CUX2: variants seen among roughly 807,000 people sequenced by gnomAD.
CUX2 encodes the protein cut like homeobox 2.
CUX2 carries 40 observed loss-of-function variants against 144.8 expected under a neutral mutation model. That is an observed-to-expected ratio of 0.28 (90% CI 0.21 to 0.36). The LOEUF is 0.36. CUX2 is among the 10% of genes least tolerant of loss of function. The pLI, the probability that CUX2 is intolerant of heterozygous loss-of-function variation, is 1.00. For synonymous variants in CUX2, 827 were observed against 875.6 expected (o/e 0.94, Z 0.98); for missense variants, 1,615 against 1,994.0 (o/e 0.81, Z 3.62).
chr12:111,309,991 A>T, intron 14 of CUX2, 50 bp from the exon 15 acceptor site: 2 of 1,263,668 alleles, frequency 1.6e-6, no homozygotes, highest in South Asian at 3.5e-5. Flanking sequence ...CTCTCCCCTC[A>T]TCATCGTCTT....
At chr12:111,170,438 AAAG>A (rs1487867604) in intron 1 of CUX2, among the ~76,000 whole-genome samples, 13 of 24,716 alleles carry the variant, frequency 5.3e-4, no homozygotes, top group Non-Finnish European at 1.3e-3. Flanking sequence ...TCAAAGAAAG[AAAG>A]AAAAAAAAAA....
At chr12:111,316,206 A>G (rs1887183560) in intron 16 of CUX2, among the ~76,000 whole-genome samples, 2 of 150,844 alleles carry the variant, frequency 1.3e-5, no homozygotes, top group Admixed American at 1.3e-4. Flanking sequence ...CAGTGGCGCA[A>G]TCTCGGCTCA....
chr12:111,062,492 G>A (rs1870825994), intron 1 of CUX2, among the ~76,000 whole-genome samples: 1 of 152,272 alleles, frequency 6.6e-6, no homozygotes, highest in Non-Finnish European at 1.5e-5. Flanking sequence ...GACGGCTCGA[G>A]CGAGGGGAGT....
chr12:111,081,522 T>C (rs576707959), intron 1 of CUX2, among the ~76,000 whole-genome samples: 1 of 152,268 alleles, frequency 6.6e-6, no homozygotes, highest in South Asian at 2.1e-4. Context: ...CCCAGGACTC[T>C]TAATTGCAAA....
chr12:111,308,610 T>A (rs1886719902), intron 14 of CUX2, 84 bp downstream of exon 14: 1 of 1,132,678 alleles, frequency 8.8e-7, no homozygotes, highest in African/African-American at 1.5e-5. Context: ...CAAGGACCAC[T>A]GCCTTCCATG....
intron 18 of CUX2, among the ~76,000 whole-genome samples, chr12:111,327,776 G>T (rs1380785627): frequency 1.3e-5 from 2 of 152,152 alleles, no homozygotes; most frequent in Non-Finnish European, 2.9e-5. Context: ...GGAAGCCAAG[G>T]CTAGGCACAG....
chr12:111,043,135 A>G (rs1317319422), intron 1 of CUX2, among the ~76,000 whole-genome samples: 1 of 152,244 alleles, frequency 6.6e-6, no homozygotes, highest in Admixed American at 6.5e-5. Flanking sequence ...AAGATGATAT[A>G]GTAAGCAAGG....
chr12:111,121,339 T>C (rs1461023790), intron 1 of CUX2, among the ~76,000 whole-genome samples: 3 of 151,244 alleles, frequency 2.0e-5, no homozygotes, highest in African/African-American at 7.3e-5. Flanking sequence ...AAATGTGTTT[T>C]TTCTTTCTTT....
chr12:111,316,763 T>G (rs534496332), intron 16 of CUX2, among the ~76,000 whole-genome samples: 17 of 152,210 alleles, frequency 1.1e-4, no homozygotes, highest in South Asian at 8.3e-4. Flanking sequence ...ATTAACCATT[T>G]TAAAGTGTAC....
chr12:111,054,202 T>G (rs1355361738), intron 1 of CUX2, among the ~76,000 whole-genome samples: 1 of 152,162 alleles, frequency 6.6e-6, no homozygotes, highest in Non-Finnish European at 1.5e-5. Flanking sequence ...GGCTTTCTCT[T>G]CAGTGTGAGA....
chr12:111,131,788 G>C (rs1235819017), intron 1 of CUX2, among the ~76,000 whole-genome samples: 2 of 152,174 alleles, frequency 1.3e-5, no homozygotes, highest in Non-Finnish European at 2.9e-5. Context: ...GCAAAAGATG[G>C]CTTCCCATGG....
intron 20 of CUX2, among the ~76,000 whole-genome samples, chr12:111,341,484 A>G (rs1888571862): frequency 6.6e-6 from 1 of 152,180 alleles, no homozygotes; most frequent in Middle Eastern, 3.2e-3. Flanking sequence ...AGAATACTGT[A>G]GAGCACCCTG....
chr12:111,235,640 G>A (rs893838868), intron 3 of CUX2, among the ~76,000 whole-genome samples: 6 of 152,040 alleles, frequency 3.9e-5, no homozygotes, highest in African/African-American at 1.4e-4. Flanking sequence ...AGAATTGCTT[G>A]AACTCTGGAG....
chr12:111,070,063 C>T (rs1405231941), intron 1 of CUX2, among the ~76,000 whole-genome samples: 2 of 152,154 alleles, frequency 1.3e-5, no homozygotes, highest in Non-Finnish European at 2.9e-5. Flanking sequence ...GCTTGGCTGC[C>T]TTCCCTGACT....
chr12:111,106,795 G>T (rs1873632264), intron 1 of CUX2, among the ~76,000 whole-genome samples: 2 of 152,192 alleles, frequency 1.3e-5, no homozygotes, highest in Admixed American at 1.3e-4. Context: ...AGGCACAAAG[G>T]CAGGGAGGCA....
rs79276874 is a variant in CUX2 at position 111,324,367 on chromosome 12, G to A, written c.2926+1787G>A. Reference sequence around the variant, plus strand: ...CTCTGTCTCAAAAAAAAAAAAAAAAGAAAGAAAGAAATGCATAAGGAGGCA... The same window carrying A: ...CTCTGTCTCAAAAAAAAAAAAAAAAAAAAGAAAGAAATGCATAAGGAGGCA... On this transcript the variant is annotated intron_variant, in intron 18 of 21. Transcript: ENST00000261726. 3.5e-3 allele frequency among the ~76,000 whole-genome samples: 298 copies of A among 85,266 alleles called. 4 individuals carry two copies. The East Asian group carries it at 0.039, about 11-fold the overall frequency. 55.9% of individuals were successfully genotyped at this position (85,266 alleles called of 152,430 possible).
At chr12:111,232,668 C>A (rs1882537767) in intron 3 of CUX2, among the ~76,000 whole-genome samples, 1 of 152,164 alleles carries the variant, frequency 6.6e-6, no homozygotes, top group South Asian at 2.1e-4. Context: ...CTGTTGATAG[C>A]TCAGAACCTA....
intron 1 of CUX2, among the ~76,000 whole-genome samples, chr12:111,100,979 G>A (rs1032908914): frequency 2.0e-5 from 3 of 152,118 alleles, no homozygotes; most frequent in African/African-American, 7.2e-5. Flanking sequence ...ACCCTCCCCT[G>A]TCCCTCTGAG....
chr12:111,321,902 G>A (rs1342284955), intron 17 of CUX2, among the ~76,000 whole-genome samples: 1 of 151,988 alleles, frequency 6.6e-6, no homozygotes, highest in East Asian at 1.9e-4. Context: ...GGGGGGCACT[G>A]AAGGATTTTT....
Sources: allele counts gnomAD v4.1 joint callset (sites outside exome capture counted in the v4.1 genomes callset), GRCh38; gene constraint gnomAD v4.1.1; transcripts MANE v1.5; gene names NCBI Gene and HGNC (gene_info 2026-07-23, HGNC 2026-07-21).